Variants in ZNF208 observed in about 807,000 individuals in gnomAD.
ZNF208 encodes zinc finger protein 208.
Under a neutral mutation model 12.1 loss-of-function variants are expected in ZNF208, and 10 were observed. That is an observed-to-expected ratio of 0.83 (90% confidence interval 0.51 to 1.40). The LOEUF (loss-of-function observed/expected upper bound fraction) is 1.40, where lower values mean the gene tolerates loss of function less well. Among genes scored for constraint, ZNF208 ranks in the 40% most tolerant of loss-of-function variants. The pLI, the probability that ZNF208 is intolerant of heterozygous loss-of-function variation, is 0.00. For missense variants in ZNF208, 1,652 were observed against 1,485.0 expected (o/e 1.11, Z -1.85); for synonymous variants, 497 against 488.4 (o/e 1.02, Z -0.23).
At chr19:21,963,689 C>T (rs1041085056), downstream of ZNF208, among the ~76,000 whole-genome samples, 1 of 151,878 alleles carries the variant, frequency 6.6e-6, no homozygotes, top group Non-Finnish European at 1.5e-5. Context: ...ATGTTTGTTA[C>T]CCTTTAGTTT....
chr19:21,946,535 A>G (rs1969818252), intron 4 of ZNF208, among the ~76,000 whole-genome samples: 1 of 152,048 alleles, frequency 6.6e-6, no homozygotes, highest in Non-Finnish European at 1.5e-5. Context: ...TTGTGTCCAC[A>G]CTCCTTAATC....
chr19:21,948,869 G>C (rs1969852325), intron 4 of ZNF208, among the ~76,000 whole-genome samples: 1 of 152,122 alleles, frequency 6.6e-6, no homozygotes, highest in East Asian at 1.9e-4. Flanking sequence ...AAAAGAGACA[G>C]AATCCCCATT....
intron 4 of ZNF208, among the ~76,000 whole-genome samples, chr19:21,959,339 T>C (rs1419846627): frequency 6.6e-6 from 1 of 152,202 alleles, no homozygotes; most frequent in African/African-American, 2.4e-5. Context: ...TCTCTCTCAC[T>C]TTAGTCTCAA....
chr19:21,943,926 T>C (rs906941835), intron 4 of ZNF208, among the ~76,000 whole-genome samples: 2 of 152,216 alleles, frequency 1.3e-5, no homozygotes, highest in Non-Finnish European at 2.9e-5. Flanking sequence ...ATTTGTTCCA[T>C]ATCTTGTTAC....
intron 3 of ZNF208, among the ~76,000 whole-genome samples, chr19:21,980,001 G>T (rs1970506841): frequency 1.3e-5 from 2 of 152,036 alleles, no homozygotes; most frequent in South Asian, 4.2e-4. Flanking sequence ...TAATGGTAAA[G>T]GGATCAATGC....
At chr19:21,956,483 C>A (rs570831684) in intron 4 of ZNF208, among the ~76,000 whole-genome samples, 1 of 152,298 alleles carries the variant, frequency 6.6e-6, no homozygotes, top group African/African-American at 2.4e-5. Flanking sequence ...TGGTGGGCTC[C>A]ACCCAGTTTG....
At chr19:21,953,409 C>CAGAG (rs61609732) in intron 4 of ZNF208, among the ~76,000 whole-genome samples, 93,167 of 151,342 alleles carry the variant, frequency 0.62, 29,346 homozygotes, top group African/African-American at 0.74. Context: ...TACGGGTAGC[C>CAGAG]AGAAAGGTCA....
At chr19:22,003,789 A>C (rs1398096075) in intron 1 of ZNF208, among the ~76,000 whole-genome samples, 2 of 152,230 alleles carry the variant, frequency 1.3e-5, no homozygotes, top group East Asian at 3.8e-4. Flanking sequence ...CTAAAGACAC[A>C]TGCACAATCA....
intron 1 of ZNF208, among the ~76,000 whole-genome samples, chr19:21,989,194 G>A (rs1049109324): frequency 6.7e-5 from 10 of 149,732 alleles, no homozygotes; most frequent in Admixed American, 1.3e-4. Flanking sequence ...CCATTAACTC[G>A]TCATTTAGCA....
chr19:21,959,270 T>C (rs1970025807), intron 4 of ZNF208, among the ~76,000 whole-genome samples: 1 of 152,220 alleles, frequency 6.6e-6, no homozygotes, highest in Non-Finnish European at 1.5e-5. Flanking sequence ...ATTCTGGGTA[T>C]GTTTGACAAA....
intron 4 of ZNF208, among the ~76,000 whole-genome samples, chr19:21,952,739 C>T (rs1215947204): frequency 1.3e-5 from 2 of 152,130 alleles, no homozygotes; most frequent in Admixed American, 1.3e-4. Flanking sequence ...GCTGAAAATT[C>T]TAAAAACCAG....
At chr19:22,002,307 C>A (rs931997781) in intron 1 of ZNF208, among the ~76,000 whole-genome samples, 8 of 152,202 alleles carry the variant, frequency 5.3e-5, no homozygotes, top group South Asian at 4.1e-4. Flanking sequence ...CTTCTCTCAA[C>A]ACTCCTATAT....
chr19:21,989,000 G>T, intron 1 of ZNF208, 91 bp from the exon 2 acceptor site: 1 of 1,511,838 alleles, frequency 6.6e-7, no homozygotes, highest in Non-Finnish European at 8.9e-7. Flanking sequence ...AAAGAGAGCT[G>T]GTTCTGACTT....
At chr19:21,943,576 C>G (rs559587128) in intron 4 of ZNF208, among the ~76,000 whole-genome samples, 2 of 152,158 alleles carry the variant, frequency 1.3e-5, no homozygotes. Context: ...TGATCCTCAA[C>G]TAAACATATG....
Position 21,970,026 on chromosome 19 carries a change from C to T in ZNF208, c.*1165G>A, listed in dbSNP as rs569305807. Among the ~76,000 whole-genome samples, 54 of 152,248 alleles carry T rather than the reference C, an allele frequency of 3.5e-4. No individual in the cohort carries two copies. Among genetic ancestry groups the T allele is most frequent in the Admixed American group, 5.9e-4 (9 of 15,284 alleles). Reference sequence around the variant, plus strand: ...TCACATTGTTTATTACAGTAGTTTTCTCCAGTATGAGTTATCTTACCTACA... The same window carrying T: ...TCACATTGTTTATTACAGTAGTTTTTTCCAGTATGAGTTATCTTACCTACA... On this transcript the variant is annotated 3_prime_UTR_variant, in exon 4 of 4. Transcript: ENST00000397126.
chr19:21,988,680 T>A, intron 2 of ZNF208, 103 bp downstream of exon 2: 2 of 1,600,670 alleles, frequency 1.2e-6, no homozygotes, highest in Non-Finnish European at 1.7e-6. Context: ...TTTGTCTTTG[T>A]CTTTATTCTC....
chr19:21,964,473 A>T (rs949857416), downstream of ZNF208, among the ~76,000 whole-genome samples: 2 of 151,740 alleles, frequency 1.3e-5, no homozygotes, highest in Non-Finnish European at 3.0e-5. Context: ...ATATTTTTAA[A>T]CTATACTGAA....
intron 4 of ZNF208, among the ~76,000 whole-genome samples, chr19:21,952,841 G>A (rs1599602974): frequency 6.6e-6 from 1 of 152,160 alleles, no homozygotes; most frequent in Non-Finnish European, 1.5e-5. Context: ...ACAGAAGTAG[G>A]CTTCAGAAGG....
chr19:21,964,455 T>G (rs1199848651), downstream of ZNF208, among the ~76,000 whole-genome samples: 1 of 151,574 alleles, frequency 6.6e-6, no homozygotes, highest in Non-Finnish European at 1.5e-5. Context: ...AGAAAAAAAT[T>G]TTAATATATA....
Sources: allele counts gnomAD v4.1 joint callset (sites outside exome capture counted in the v4.1 genomes callset), GRCh38; gene constraint gnomAD v4.1.1; transcripts MANE v1.5; gene names NCBI Gene and HGNC (gene_info 2026-07-23, HGNC 2026-07-21).